GRIP2: variants seen among roughly 807,000 people sequenced by gnomAD.
GRIP2 encodes glutamate receptor interacting protein 2.
GRIP2 carries 58 observed loss-of-function variants against 108.3 expected under a neutral mutation model. The ratio of observed to expected loss-of-function variants is 0.54; its 90% CI spans 0.43 to 0.67. The LOEUF (loss-of-function observed/expected upper bound fraction) is 0.67, where lower values mean the gene tolerates loss of function less well. Among genes scored for constraint, GRIP2 ranks in the 30% least tolerant of loss-of-function variants. The probability of loss-of-function intolerance (pLI) is 0.00; values close to 1 mark genes in which losing one functional copy is unlikely to be tolerated. For missense variants in GRIP2, 1,278 were observed against 1,430.6 expected (o/e 0.89, Z 1.72); for synonymous variants, 586 against 598.2 (o/e 0.98, Z 0.30).
chr3:14,571,883 A>G, the GRIP2 span, among the ~76,000 whole-genome samples: 47,485 of 152,032 alleles, frequency 0.31, 7,708 homozygotes, highest in Middle Eastern at 0.38. Flanking sequence ...TGGCAAAACA[A>G]AAGTAAGGAG....
chr3:14,594,952 A>C, the GRIP2 span, among the ~76,000 whole-genome samples: 3 of 152,254 alleles, frequency 2.0e-5, no homozygotes, highest in African/African-American at 7.2e-5. Flanking sequence ...GCCAAAGCAC[A>C]GTGGCGCAAT....
At position 14,522,817 on chromosome 3, in the gene GRIP2, C is replaced by T; in HGVS notation, c.566+183G>A. On this transcript the variant is annotated intron_variant, in intron 6 of 23. Coordinates refer to ENST00000621039, the MANE Select transcript of GRIP2 (RefSeq NM_001080423.4). The surrounding 1 kb of genome is among the most constrained non-coding windows in gnomAD (Gnocchi z 4.3). ...TGGGGAAGAAAGGGCTCGAGGTTTC[C>T]CTCATTTGGGGTTACATCCCGGTTC... 8.4e-6 allele frequency: 5 copies of T among 593,440 alleles called. 1 individual carries two copies. The highest frequency in any genetic ancestry group is 8.0e-5 in the South Asian group (4 of 49,782). 36.8% of individuals were successfully genotyped at this position (593,440 alleles called of 1,614,324 possible). A position where few individuals can be genotyped will look rare whatever the true frequency, so the allele number is the denominator to read the frequency against.
upstream of GRIP2, among the ~76,000 whole-genome samples, chr3:14,558,335 G>T (rs565478996): frequency 6.6e-6 from 1 of 152,144 alleles, no homozygotes; most frequent in South Asian, 2.1e-4. Flanking sequence ...GCCGAGCCCC[G>T]CCTGGCTGGC....
At position 14,521,665 on chromosome 3, in the gene GRIP2, A is replaced by G. The variant is rs760885170; in HGVS notation, c.689T>C (p.Val230Ala). Residue 230 changes from valine to alanine, a missense_variant, in exon 7 of 24, where the codon GTG (valine) becomes GCG (alanine). Physicochemically the swap from Val to Ala is moderately conservative, Grantham distance 64 (BLOSUM62 0). Transcript: ENST00000621039. The surrounding 1 kb of genome is among the most constrained non-coding windows in gnomAD (Gnocchi z 5.1). ...ACCAGGGGTGGCCACATCATACTCC[A>G]CCTGAAAGAGTGCCTCGTGGCTGCA... ...RQCSHEALFQ[V>A]EYDVATPDTV... The G allele has an allele frequency of 1.9e-6, 3 of 1,611,468 alleles. No homozygotes were observed. The highest frequency in any genetic ancestry group is 2.7e-5 in the African/African-American group (2 of 74,954).
the GRIP2 span, among the ~76,000 whole-genome samples, chr3:14,595,833 G>A: frequency 6.6e-6 from 1 of 152,236 alleles, no homozygotes; most frequent in Non-Finnish European, 1.5e-5. Flanking sequence ...GTGCACAGGG[G>A]CAGCCCAGGG....
chr3:14,542,674 T>G (rs1694997069), upstream of GRIP2, among the ~76,000 whole-genome samples: 1 of 152,210 alleles, frequency 6.6e-6, no homozygotes, highest in Admixed American at 6.5e-5. Context: ...TCTGAGTGCT[T>G]GCCATGCTAT....
Position 14,521,818 on chromosome 3 carries a change from C to CA in GRIP2, c.567-32_567-31insT. On this transcript the variant is annotated intron_variant, in intron 6 of 23. Transcript: ENST00000621039. The surrounding 1 kb of genome is among the most constrained non-coding windows in gnomAD (Gnocchi z 5.1). ...GGGAAGGGCCAGTCACCAGCCTGGC[C>CA]CGGCAGCAGCACTGGGCACAGCCTG... 2.6e-6 allele frequency: 4 copies of CA among 1,545,932 alleles called. No individual in the cohort carries two copies. The highest frequency in any genetic ancestry group is 3.5e-6 in the Non-Finnish European group (4 of 1,146,278).
intron 19 of GRIP2, among the ~76,000 whole-genome samples, chr3:14,506,012 G>A (rs1004990371): frequency 6.6e-6 from 1 of 152,288 alleles, no homozygotes; most frequent in East Asian, 1.9e-4. Context: ...CAACTCCATC[G>A]GCCTGGGCTT....
At chr3:14,542,108 T>C, upstream of GRIP2, 1 of 1,284,112 alleles carries the variant, frequency 7.8e-7, no homozygotes, top group Non-Finnish European at 1.0e-6. Flanking sequence ...GAGTTAGATC[T>C]GCCCCTTCTT....
rs957864052 is a variant in GRIP2, at chr3:14,489,446, C to T, written c.*4219G>A. On this transcript the variant is annotated 3_prime_UTR_variant, in exon 24 of 24. Coordinates refer to ENST00000621039, the MANE Select transcript of GRIP2 (RefSeq NM_001080423.4). ...GCTTCCCGTCCAATCCCAGGACGCT[C>T]CTCAAAGGTAGGTATTTTCCCAGGT... 3 of 152,632 alleles carry T rather than the reference C, an allele frequency of 2.0e-5. No homozygotes were observed. The highest frequency in any genetic ancestry group is 4.8e-5 in the African/African-American group (2 of 41,430). 9.5% of individuals were successfully genotyped at this position (152,632 alleles called of 1,614,324 possible).
At chr3:14,509,518 C>A (rs1420276924) in intron 17 of GRIP2, among the ~76,000 whole-genome samples, 1 of 152,280 alleles carries the variant, frequency 6.6e-6, no homozygotes, top group Non-Finnish European at 1.5e-5. Context: ...CTCCAAATAG[C>A]CTTGCAGGGC....
intron 19 of GRIP2, 107 bp downstream of exon 19, chr3:14,506,694 A>C (rs1693936427): frequency 9.4e-7 from 1 of 1,068,768 alleles, no homozygotes; most frequent in Non-Finnish European, 1.3e-6. Context: ...ATGCCAGGAG[A>C]GGAGCGCAGG....
At chr3:14,567,964 G>C in the GRIP2 span, among the ~76,000 whole-genome samples, 8 of 152,250 alleles carry the variant, frequency 5.3e-5, no homozygotes, top group Non-Finnish European at 1.0e-4. Context: ...CAACCATGCA[G>C]ATTGCTGAGC....
At chr3:14,530,293 A>C (rs1039867021) in intron 1 of GRIP2, among the ~76,000 whole-genome samples, 5 of 152,184 alleles carry the variant, frequency 3.3e-5, no homozygotes, top group Admixed American at 2.0e-4. Context: ...GAGCCATTAA[A>C]ACCCAAGCCT....
intron 9 of GRIP2, among the ~76,000 whole-genome samples, chr3:14,519,441 T>G (rs1211406211): frequency 6.6e-6 from 1 of 152,228 alleles, no homozygotes; most frequent in Non-Finnish European, 1.5e-5. Context: ...TCCCTCCTTT[T>G]TACAGATGAG....
chr3:14,540,461 G>A, upstream of GRIP2: 1 of 1,529,138 alleles, frequency 6.5e-7, no homozygotes, highest in Non-Finnish European at 8.8e-7. This position sits in a 1 kb window ranked among gnomAD's most constrained non-coding sequence, Gnocchi z 4.1. Flanking sequence ...GCGGCTCTCT[G>A]CTTAAAGGGG....
chr3:14,579,618 C>A, the GRIP2 span, among the ~76,000 whole-genome samples: 1 of 151,974 alleles, frequency 6.6e-6, no homozygotes, highest in Non-Finnish European at 1.5e-5. Context: ...AGTCTCCCAC[C>A]AAGATGAGAA....
Position 14,511,146 on chromosome 3 carries a change from G to T in GRIP2, c.1933+19C>A, listed in dbSNP as rs772973343. On this transcript the variant is annotated intron_variant, in intron 16 of 23. Coordinates refer to ENST00000621039, the MANE Select transcript of GRIP2 (RefSeq NM_001080423.4). This position sits in a 1 kb window ranked among gnomAD's most constrained non-coding sequence, Gnocchi z 4.1. ...AAGGGTGGGCCTCTGGAGGTAGGAG[G>T]CCAGCATGAGGGCCATACCAGAGTT... The T allele has an allele frequency of 5.9e-5, 95 of 1,613,008 alleles. No individual in the cohort carries two copies. The highest frequency in any genetic ancestry group is 7.9e-5 in the Non-Finnish European group (93 of 1,179,508).
the GRIP2 span, among the ~76,000 whole-genome samples, chr3:14,567,317 G>A: frequency 6.6e-6 from 1 of 152,132 alleles, no homozygotes; most frequent in Non-Finnish European, 1.5e-5. Context: ...TTGGCTACAA[G>A]TCATTCTAAG....
Sources: gnomAD v4.1 joint callset for allele counts (sites outside exome capture counted in the v4.1 genomes callset) on GRCh38, gnomAD v4.1.1 for gene constraint, Gnocchi (gnomAD v3.1) non-coding constraint, MANE v1.5 for transcripts, NCBI Gene and HGNC (gene_info 2026-07-23, HGNC 2026-07-21) for gene names.